The following LCA5L variants were observed in gnomAD, a reference collection of about 807,000 sequenced individuals.
LCA5L encodes the protein lebercilin LCA5 like.
In LCA5L, 35 loss-of-function variants were observed where a neutral mutation model predicts 45.4. The observed-to-expected ratio is 0.77, with a 90% CI of 0.59 to 1.02. The LOEUF (loss-of-function observed/expected upper bound fraction) is 1.02, where lower values mean the gene tolerates loss of function less well. LCA5L is among the 50% of genes least tolerant of loss of function. The pLI, the probability that LCA5L is intolerant of heterozygous loss-of-function variation, is 0.00. For synonymous variants in LCA5L, 233 were observed against 264.7 expected (o/e 0.88, Z 1.16); for missense variants, 668 against 761.6 (o/e 0.88, Z 1.45).
chr21:39,423,454 C>T lies in LCA5L; in HGVS notation c.359G>A (p.Trp120Ter). 1 of 1,573,068 alleles carries T rather than the reference C, an allele frequency of 6.4e-7. No homozygotes were observed. Among genetic ancestry groups the T allele is most frequent in the Non-Finnish European group, 8.6e-7 (1 of 1,165,864 alleles). The change falls in exon 6 of 11, where the codon TGG becomes TAG. Residue 120 changes from tryptophan to a stop codon, truncating the protein, a stop_gained. Coordinates refer to ENST00000288350, the MANE Select transcript of LCA5L (RefSeq NM_152505.4). LOFTEE classifies it high-confidence loss of function. ...KEISVEKKHT[W>*]NASLFNSQIH... ...TTGAGAATTAAAGAGTGATGCATTC[C>T]AGGTGTGCTTTTTTTCAACTGATAT...
chr21:39,440,062 T>C (rs1376215781), intron 2 of LCA5L, among the ~76,000 whole-genome samples: 1 of 151,656 alleles, frequency 6.6e-6, no homozygotes, highest in Non-Finnish European at 1.5e-5. Context: ...TAAATGTATG[T>C]GTATGTGTAT....
chr21:39,414,742 C>CTCTCTCTG (rs1341489035), intron 7 of LCA5L, among the ~76,000 whole-genome samples: 22 of 99,236 alleles, frequency 2.2e-4, no homozygotes, highest in African/African-American at 6.2e-4. Context: ...CTCTCTCTCT[C>CTCTCTCTG]TGTGTGTGTG....
intron 2 of LCA5L, among the ~76,000 whole-genome samples, chr21:39,435,901 G>A (rs1193351524): frequency 2.0e-5 from 3 of 152,330 alleles, no homozygotes; most frequent in Admixed American, 6.5e-5. Context: ...GCCTCCCAAA[G>A]TGCTGGGATT....
At chr21:39,427,385 G>A (rs1314682994) in intron 5 of LCA5L, among the ~76,000 whole-genome samples, 1 of 152,120 alleles carries the variant, frequency 6.6e-6, no homozygotes, top group Non-Finnish European at 1.5e-5. Flanking sequence ...ACAAAGAGCC[G>A]GGCGCGGTGG....
intron 2 of LCA5L, among the ~76,000 whole-genome samples, chr21:39,442,997 A>G (rs1201771412): frequency 6.6e-6 from 1 of 152,194 alleles, no homozygotes; most frequent in East Asian, 1.9e-4. Context: ...GCAGCAGGAA[A>G]AGCAGAAGAG....
Position 39,406,315 on chromosome 21 carries a change from G to T in LCA5L, c.1580C>A (p.Thr527Lys). The T allele has an allele frequency of 1.2e-6, 2 of 1,614,210 alleles. No individual in the cohort carries two copies. Among genetic ancestry groups the T allele is most frequent in the Non-Finnish European group, 1.7e-6 (2 of 1,180,034 alleles). ...PLRQRRHYSF[T>K]EATENLHHGL... is the part of the protein sequence containing the mutation. ...ATGATGCAGGTTTTCAGTTGCTTCT[G>T]TGAATGAGTAATGTCTTCTTTGTCT... Residue 527 changes from threonine to lysine, a missense_variant, in exon 11 of 11, where the codon ACA becomes AAA. Thr to Lys is a moderately conservative substitution (Grantham distance 78). Transcript: ENST00000288350.
chr21:39,421,828 T>C (rs2074308256), intron 6 of LCA5L: 1 of 144,586 alleles, frequency 6.9e-6, no homozygotes, highest in Non-Finnish European at 1.5e-5. Flanking sequence ...CTCCACTAAA[T>C]GCCTACAACC....
intron 6 of LCA5L, among the ~76,000 whole-genome samples, chr21:39,421,396 A>G (rs1431060201): frequency 2.0e-5 from 3 of 152,160 alleles, no homozygotes; most frequent in Admixed American, 6.5e-5. Context: ...GCCCGATTTA[A>G]ACATTCTGAC....
chr21:39,411,301 C>G lies in LCA5L; in HGVS notation c.1060+417G>C, dbSNP rs185614472. 2.0e-5 allele frequency among the ~76,000 whole-genome samples: 3 copies of G among 152,186 alleles called. No homozygotes were observed. In the East Asian group the frequency reaches 5.8e-4, roughly 29 times the overall value. On this transcript the variant is annotated intron_variant, in intron 8 of 10. Coordinates refer to ENST00000288350, the MANE Select transcript of LCA5L (RefSeq NM_152505.4). ...ATCTTGATTGGGGTGGTGGCTCCAT[C>G]GGTATAAACATCTGTCAAAACCCAC...
chr21:39,413,248 C>T (rs1281147059), intron 7 of LCA5L, among the ~76,000 whole-genome samples: 1 of 152,174 alleles, frequency 6.6e-6, no homozygotes, highest in Non-Finnish European at 1.5e-5. Flanking sequence ...ACCAAGAGTA[C>T]ACATATGTTT....
intron 7 of LCA5L, among the ~76,000 whole-genome samples, 192 bp downstream of exon 7, chr21:39,420,514 T>C (rs1478808669): frequency 2.7e-5 from 2 of 75,426 alleles, no homozygotes; most frequent in Non-Finnish European, 4.7e-5. Flanking sequence ...CAGAGCAAGA[T>C]TCTATCTCAA....
intron 8 of LCA5L, among the ~76,000 whole-genome samples, chr21:39,411,336 T>C (rs997215564): frequency 1.3e-5 from 2 of 152,140 alleles, no homozygotes; most frequent in African/African-American, 4.8e-5. Flanking sequence ...CTGAGCTGCG[T>C]GCACACTTAA....
At chr21:39,413,494 C>T (rs756510368) in intron 7 of LCA5L, among the ~76,000 whole-genome samples, 1 of 152,116 alleles carries the variant, frequency 6.6e-6, no homozygotes, top group Non-Finnish European at 1.5e-5. Flanking sequence ...ATTTTTGTAC[C>T]TGAATTGTAC....
At chr21:39,431,421 G>C (rs1395990986) in intron 3 of LCA5L, among the ~76,000 whole-genome samples, 1 of 151,936 alleles carries the variant, frequency 6.6e-6, no homozygotes, top group Non-Finnish European at 1.5e-5. Context: ...TAACGTTAGG[G>C]ATCTAGTTTC....
chr21:39,419,919 A>AT (rs1352916290), intron 7 of LCA5L, among the ~76,000 whole-genome samples: 1 of 152,224 alleles, frequency 6.6e-6, no homozygotes, highest in African/African-American at 2.4e-5. Flanking sequence ...AGCAGTATAC[A>AT]TATTTTTAAG....
intron 2 of LCA5L, among the ~76,000 whole-genome samples, chr21:39,437,000 T>G (rs1452636758): frequency 2.0e-5 from 3 of 152,260 alleles, no homozygotes; most frequent in African/African-American, 7.2e-5. Context: ...TCACAAGGCA[T>G]GCATTCTGGC....
At chr21:39,411,099 C>T (rs957330841) in intron 8 of LCA5L, 1 of 340,074 alleles carries the variant, frequency 2.9e-6, no homozygotes, top group Non-Finnish European at 5.8e-6. Context: ...CTATGCTGAA[C>T]AAAAGCAGCC....
chr21:39,416,641 T>G (rs1463208195), intron 7 of LCA5L, among the ~76,000 whole-genome samples: 1 of 150,850 alleles, frequency 6.6e-6, no homozygotes, highest in Non-Finnish European at 1.5e-5. Context: ...GATTTTTATT[T>G]GACTCTATCT....
At chr21:39,437,563 G>A (rs916331562) in intron 2 of LCA5L, among the ~76,000 whole-genome samples, 3 of 152,068 alleles carry the variant, frequency 2.0e-5, no homozygotes, top group Admixed American at 2.0e-4. Flanking sequence ...GGGTTCAGGT[G>A]ATCCTCCCAC....
Sources: allele counts gnomAD v4.1 joint callset (sites outside exome capture counted in the v4.1 genomes callset), GRCh38; gene constraint gnomAD v4.1.1; transcripts MANE v1.5; gene names NCBI Gene and HGNC (gene_info 2026-07-23, HGNC 2026-07-21).